The following TENT4B variants were observed in gnomAD, a reference collection of about 807,000 sequenced individuals.
TENT4B encodes terminal nucleotidyltransferase 4B.
A neutral mutation model predicts 75.0 loss-of-function variants in TENT4B; 10 were observed. The ratio of observed to expected loss-of-function variants is 0.13; its 90% CI spans 0.08 to 0.23. TENT4B has a LOEUF of 0.23. Ranked by LOEUF, TENT4B falls within the 10% of genes least tolerant of loss-of-function variation. The probability of loss-of-function intolerance (pLI) is 1.00; values close to 1 mark genes in which losing one functional copy is unlikely to be tolerated. For missense variants in TENT4B, 579 were observed against 893.8 expected (o/e 0.65, Z 4.49); for synonymous variants, 350 against 357.7 (o/e 0.98, Z 0.24).
At chr16:50,220,701 G>A (rs1691073652) in intron 5 of TENT4B, among the ~76,000 whole-genome samples, 1 of 151,748 alleles carries the variant, frequency 6.6e-6, no homozygotes, top group Non-Finnish European at 1.5e-5. Context: ...GCTAATTTTT[G>A]TATTTTTAGT....
intron 1 of TENT4B, among the ~76,000 whole-genome samples, chr16:50,175,203 G>A (rs1228826849): frequency 6.6e-6 from 1 of 152,048 alleles, no homozygotes. Context: ...TATTAGATAC[G>A]TGTTTTGCAA....
At chr16:50,182,465 T>C (rs1467173218) in intron 1 of TENT4B, among the ~76,000 whole-genome samples, 5 of 152,166 alleles carry the variant, frequency 3.3e-5, no homozygotes, top group African/African-American at 1.2e-4. Context: ...TATTTCTTAG[T>C]CCCCTTAAGC....
Position 50,232,535 on chromosome 16 carries a change from C to G in TENT4B, c.*3207C>G, listed in dbSNP as rs2032327998. 1 of 985,156 alleles carries G rather than the reference C, an allele frequency of 1.0e-6. No individual in the cohort carries two copies. Among genetic ancestry groups the G allele is most frequent in the Non-Finnish European group, 1.2e-6 (1 of 829,944 alleles). The allele number at this position is 985,156 out of a possible 1,614,324, so 61.0% of individuals were successfully genotyped here. A position where few individuals can be genotyped will look rare whatever the true frequency, so the allele number is the denominator to read the frequency against. ...ATGTGTTTTCTGCTCCTTCCCTCCC[C>G]CATGAAATGGTAAGTGTGACTTGTG... On this transcript the variant is annotated 3_prime_UTR_variant, in exon 12 of 12. Transcript: ENST00000561678.
intron 1 of TENT4B, among the ~76,000 whole-genome samples, chr16:50,174,064 T>A (rs991199457): frequency 2.0e-5 from 3 of 152,220 alleles, no homozygotes; most frequent in Non-Finnish European, 4.4e-5. Flanking sequence ...GCCCATTTTT[T>A]AATCAGATTG....
chr16:50,167,580 A>G (rs2038125630), intron 1 of TENT4B, among the ~76,000 whole-genome samples: 1 of 151,294 alleles, frequency 6.6e-6, no homozygotes, highest in African/African-American at 2.4e-5. Context: ...CAGAATGCTG[A>G]AGATTTACTT....
chr16:50,189,728 A>C (rs2038602339), intron 1 of TENT4B, among the ~76,000 whole-genome samples: 1 of 142,148 alleles, frequency 7.0e-6, no homozygotes, highest in Non-Finnish European at 1.5e-5. Flanking sequence ...TGCATCAAAA[A>C]ATAACCAGAT....
At chr16:50,193,163 T>C (rs1204114955) in intron 1 of TENT4B, among the ~76,000 whole-genome samples, 6 of 152,112 alleles carry the variant, frequency 3.9e-5, no homozygotes, top group Non-Finnish European at 7.4e-5. Context: ...GTTTGCTGAC[T>C]TCTGGTAGAG....
intron 1 of TENT4B, among the ~76,000 whole-genome samples, chr16:50,155,272 G>GGGGTGTGTGTGT (rs377547594): frequency 7.1e-4 from 96 of 135,484 alleles, no homozygotes; most frequent in African/African-American, 2.3e-3. Flanking sequence ...GGGTCTCGTG[G>GGGGTGTGTGTGT]GTGTGTGTGT....
chr16:50,185,526 C>A (rs1210509677), intron 1 of TENT4B, among the ~76,000 whole-genome samples: 1 of 152,156 alleles, frequency 6.6e-6, no homozygotes, highest in Non-Finnish European at 1.5e-5. Flanking sequence ...GTCATCTGTT[C>A]ATTCACTGTG....
chr16:50,223,720 A>G (rs1305603605), intron 7 of TENT4B, among the ~76,000 whole-genome samples: 1 of 152,232 alleles, frequency 6.6e-6, no homozygotes, highest in East Asian at 1.9e-4. Flanking sequence ...ATTGTCAGCA[A>G]TTAATGAGGC....
chr16:50,201,851 C>T lies in TENT4B; in HGVS notation c.639-9472C>T, dbSNP rs1048517682. Among the ~76,000 whole-genome samples the T allele has an allele frequency of 1.1e-4, 15 of 136,460 alleles. 1 individual carries two copies. The highest frequency in any genetic ancestry group is 3.5e-4 in the African/African-American group (13 of 37,142). 89.5% of individuals were successfully genotyped at this position (136,460 alleles called of 152,430 possible). Reference sequence around the variant, plus strand: ...TATTTAAAAAAAAAAAAAAAAAAAGCGGGCTGGATACAGTGGTGCACACCT... The same window carrying T: ...TATTTAAAAAAAAAAAAAAAAAAAGTGGGCTGGATACAGTGGTGCACACCT... On this transcript the variant is annotated intron_variant, in intron 1 of 11. Coordinates refer to ENST00000561678, the MANE Select transcript of TENT4B (RefSeq NM_001365324.3).
chr16:50,225,135 A>G lies in TENT4B; in HGVS notation c.1650A>G (p.Leu550=). 1 of 1,613,226 alleles carries G rather than the reference A, an allele frequency of 6.2e-7. No homozygotes were observed. The highest frequency in any genetic ancestry group is 8.5e-7 in the Non-Finnish European group (1 of 1,179,346). The change falls in exon 10 of 12, where the codon TTA becomes TTG. Residue 550 remains leucine, a synonymous_variant. Transcript: ENST00000561678. ...CCTTGATAGTAGATACTCAGCAGTT[A>G]GATAAATGTAATAATAATCTATCTG... ...GVTLIVDTQQ[L]DKCNNNLSEE... is the part of the protein sequence containing the mutation.
chr16:50,168,354 G>T (rs1261548304), intron 1 of TENT4B, among the ~76,000 whole-genome samples: 1 of 151,924 alleles, frequency 6.6e-6, no homozygotes, highest in East Asian at 1.9e-4. Flanking sequence ...AGGCTGGAGT[G>T]CAGTGGCATG....
At chr16:50,168,225 C>T (rs1308926282) in intron 1 of TENT4B, among the ~76,000 whole-genome samples, 1 of 150,954 alleles carries the variant, frequency 6.6e-6, no homozygotes, top group Non-Finnish European at 1.5e-5. Flanking sequence ...GAATTACTGC[C>T]TTTGTTCATT....
chr16:50,205,560 T>C (rs1299639809), intron 1 of TENT4B, among the ~76,000 whole-genome samples: 2 of 2,878 alleles, frequency 6.9e-4, no homozygotes, highest in African/African-American at 1.4e-3. Context: ...TTACATGTCT[T>C]TTTTTTTTTT....
intron 1 of TENT4B, among the ~76,000 whole-genome samples, chr16:50,168,826 A>G (rs2038151566): frequency 1.3e-5 from 2 of 151,492 alleles, no homozygotes; most frequent in Non-Finnish European, 2.9e-5. Flanking sequence ...TTGTATTTTT[A>G]GTAGAGATGG....
intron 5 of TENT4B, among the ~76,000 whole-genome samples, chr16:50,221,396 C>G (rs2031820278): frequency 6.6e-6 from 1 of 152,178 alleles, no homozygotes; most frequent in Admixed American, 6.5e-5. Context: ...ATGTGCACAG[C>G]AAAAGGTGGA....
chr16:50,176,444 T>G (rs961082030), intron 1 of TENT4B, among the ~76,000 whole-genome samples: 1 of 150,490 alleles, frequency 6.6e-6, no homozygotes, highest in Non-Finnish European at 1.5e-5. Flanking sequence ...AGTGGACATA[T>G]GTAGATCCAA....
At chr16:50,197,439 C>T (rs1281516252) in intron 1 of TENT4B, among the ~76,000 whole-genome samples, 1 of 152,160 alleles carries the variant, frequency 6.6e-6, no homozygotes, top group Non-Finnish European at 1.5e-5. Context: ...CAGGTGTGCA[C>T]CACCACGCCT....
Sources: allele counts gnomAD v4.1 joint callset (sites outside exome capture counted in the v4.1 genomes callset), GRCh38; gene constraint gnomAD v4.1.1; transcripts MANE v1.5; gene names NCBI Gene and HGNC (gene_info 2026-07-23, HGNC 2026-07-21).